The following TRPC5 variants were observed in gnomAD, a reference collection of about 807,000 sequenced individuals.
TRPC5 encodes transient receptor potential cation channel subfamily C member 5.
Under a neutral mutation model 56.5 loss-of-function variants are expected in TRPC5, and 9 were observed. That is an observed-to-expected ratio of 0.16 (90% CI 0.10 to 0.28). The LOEUF is 0.28. Ranked by LOEUF, TRPC5 falls within the 10% of genes least tolerant of loss-of-function variation. The pLI, the probability that TRPC5 is intolerant of heterozygous loss-of-function variation, is 1.00. For synonymous variants in TRPC5, 282 were observed against 278.5 expected (o/e 1.01, Z -0.13); for missense variants, 469 against 748.9 (o/e 0.63, Z 4.36).
intron 3 of TRPC5, among the ~76,000 whole-genome samples, chrX:111,863,678 C>T (rs1392147399): frequency 9.0e-6 from 1 of 111,663 alleles, no homozygotes; most frequent in East Asian, 2.8e-4. Flanking sequence ...AGTGGACATC[C>T]CTGTCTTTTT....
rs146373898 is a variant in TRPC5, at chrX:111,955,440, C to T, written c.-21-2999G>A. 3.4e-3 allele frequency among the ~76,000 whole-genome samples: 378 copies of T among 111,917 alleles called. 2 individuals carry two copies. Among genetic ancestry groups the T allele is most frequent in the Middle Eastern group, 0.014 (3 of 218 alleles). On this transcript the variant is annotated intron_variant, in intron 1 of 10. Coordinates refer to ENST00000262839, the MANE Select transcript of TRPC5 (RefSeq NM_012471.3). Reference sequence around the variant, plus strand: ...AAAGCAATGTCTGGCTAAAAGAATGCGGGTGAAGTGATGGAGGGTAAAGGA... The same window carrying T: ...AAAGCAATGTCTGGCTAAAAGAATGTGGGTGAAGTGATGGAGGGTAAAGGA...
chrX:111,874,429 G>A (rs182698930), intron 3 of TRPC5, among the ~76,000 whole-genome samples: 21 of 112,144 alleles, frequency 1.9e-4, no homozygotes, highest in Admixed American at 9.4e-4. Flanking sequence ...TATCAAGACC[G>A]TAGGGGCCCT....
At chrX:111,881,624 A>T (rs190049674) in intron 3 of TRPC5, among the ~76,000 whole-genome samples, 7 of 111,410 alleles carry the variant, frequency 6.3e-5, no homozygotes, top group African/African-American at 2.3e-4. Context: ...TGGGGGTGTC[A>T]ATTCAGGGTT....
chrX:111,880,471 G>A (rs1163549091), intron 3 of TRPC5, among the ~76,000 whole-genome samples: 1 of 112,410 alleles, frequency 8.9e-6, no homozygotes, highest in East Asian at 2.8e-4. Context: ...CCCTGTCTGG[G>A]CACTGTCCTG....
rs1311214635 is a variant in TRPC5 at position 111,803,658 on chromosome X, G to A, written c.1897-21520C>T. Among the ~76,000 whole-genome samples, 9 of 112,336 alleles carry A rather than the reference G, an allele frequency of 8.0e-5. No individual in the cohort carries two copies. In the Admixed American group the frequency reaches 8.5e-4, roughly 11 times the overall value. The stretch of plus-strand genomic sequence containing the variant: ...CTGCATAGATGTCTTCTTTTGAGAA[G>A]TATCTGTTCATATCCTTTGCGAACT... On this transcript the variant is annotated intron_variant, in intron 7 of 10. Coordinates refer to ENST00000262839, the MANE Select transcript of TRPC5 (RefSeq NM_012471.3).
At chrX:111,937,304 C>G (rs1159531865) in intron 2 of TRPC5, among the ~76,000 whole-genome samples, 3 of 102,862 alleles carry the variant, frequency 2.9e-5, no homozygotes, top group Non-Finnish European at 4.0e-5. Context: ...TGCCTGTTCA[C>G]TCTGATGGTA....
At chrX:111,943,686 G>C (rs1398179234) in intron 2 of TRPC5, among the ~76,000 whole-genome samples, 1 of 112,307 alleles carries the variant, frequency 8.9e-6, no homozygotes, top group East Asian at 2.8e-4. Context: ...TGTTGATATA[G>C]AGGCCAGCAG....
At chrX:111,912,875 G>T in intron 2 of TRPC5, 63 bp from the exon 3 acceptor site, 1 of 1,090,271 alleles carries the variant, frequency 9.2e-7, no homozygotes, top group South Asian at 2.1e-5. Flanking sequence ...GAAGCATAGG[G>T]CCTATAAAAT....
At chrX:112,008,882 T>C (rs1207768315) in intron 1 of TRPC5, among the ~76,000 whole-genome samples, 1 of 111,775 alleles carries the variant, frequency 8.9e-6, no homozygotes, top group Non-Finnish European at 1.9e-5. Context: ...TTAGAGTGTG[T>C]GGGCTGTGCA....
rs1050959481 is a variant in TRPC5, at chrX:111,835,045, T to C, written c.1772A>G (p.Lys591Arg). 15 of 1,210,142 alleles carry C rather than the reference T, an allele frequency of 1.2e-5. No individual in the cohort carries two copies. Among genetic ancestry groups the C allele is most frequent in the Non-Finnish European group, 1.7e-5 (15 of 895,113 alleles). ...AAACTCGGTGAATTCGTGTCTGGCT[T>C]TCACATTGGTGACATATAGATTTAA... ...GLLNLYVTNV[K>R]ARHEFTEFVG... The change falls in exon 7 of 11, where the codon AAA becomes AGA. Residue 591 changes from lysine (K) to arginine (R), a missense_variant. Around this residue, in one of 3 missense-constraint regions of TRPC5, gnomAD observed 157 missense variants for 360.0 expected, o/e 0.44. Transcript: ENST00000262839.
At chrX:111,892,849 T>C (rs1304508633) in intron 3 of TRPC5, among the ~76,000 whole-genome samples, 2 of 111,891 alleles carry the variant, frequency 1.8e-5, no homozygotes, top group Non-Finnish European at 3.8e-5. Context: ...CTAGTCATGA[T>C]GTACCACATA....
At chrX:112,072,857 A>T (rs1930748571) in intron 1 of TRPC5, among the ~76,000 whole-genome samples, 1 of 111,221 alleles carries the variant, frequency 9.0e-6, no homozygotes, top group Non-Finnish European at 1.9e-5. Flanking sequence ...TTCACCTTTG[A>T]TCATATAATT....
At chrX:111,935,913 T>A (rs1926558764) in intron 2 of TRPC5, among the ~76,000 whole-genome samples, 2 of 111,955 alleles carry the variant, frequency 1.8e-5, no homozygotes, top group Non-Finnish European at 3.8e-5. Flanking sequence ...ATTCCTCCAG[T>A]TTTGCTCCTT....
At chrX:111,981,646 A>G (rs1411611395) in intron 1 of TRPC5, among the ~76,000 whole-genome samples, 2 of 111,867 alleles carry the variant, frequency 1.8e-5, no homozygotes, top group Non-Finnish European at 3.8e-5. Context: ...ACATGATGCA[A>G]CTGTCCTGTG....
At chrX:111,862,692 C>G (rs1392967444) in intron 3 of TRPC5, among the ~76,000 whole-genome samples, 2 of 112,169 alleles carry the variant, frequency 1.8e-5, no homozygotes, top group East Asian at 5.6e-4. Flanking sequence ...TTTGAAAACA[C>G]TACTATTTCC....
intron 7 of TRPC5, among the ~76,000 whole-genome samples, chrX:111,817,035 G>A (rs887939289): frequency 1.8e-5 from 2 of 111,798 alleles, no homozygotes; most frequent in African/African-American, 6.5e-5. Context: ...TGGCCTCGCA[G>A]GGCCCTCTGA....
In TRPC5 at chrX:112,027,316, G is replaced by T. The variant is rs148036226; in HGVS notation, c.-22+54563C>A. On this transcript the variant is annotated intron_variant, in intron 1 of 10. Transcript: ENST00000262839. ...TATGCGCATGTGTGTGCATGATTGG[G>T]AAGTTCTGTAAGTTTAGTTATGCTT... Among the ~76,000 whole-genome samples the T allele has an allele frequency of 1.6e-4, 18 of 111,745 alleles. No homozygotes were observed. The East Asian group carries it at 5.0e-3, about 31-fold the overall frequency.
chrX:111,828,379 C>T (rs1398352998), intron 7 of TRPC5, among the ~76,000 whole-genome samples: 1 of 111,685 alleles, frequency 9.0e-6, no homozygotes, highest in African/African-American at 3.3e-5. Flanking sequence ...GTTTTATAAG[C>T]ATCTGGTATT....
At chrX:111,905,914 C>CAAAAAAAAAAAA (rs1202912083) in intron 3 of TRPC5, among the ~76,000 whole-genome samples, 52 of 36,981 alleles carry the variant, frequency 1.4e-3, no homozygotes, top group African/African-American at 6.0e-3. Context: ...GTCTCTGTCT[C>CAAAAAAAAAAAA]AAAAAAAAAA....
Sources: allele counts gnomAD v4.1 joint callset (sites outside exome capture counted in the v4.1 genomes callset), GRCh38; gene constraint gnomAD v4.1.1; regional missense constraint gnomAD v4.1.1; transcripts MANE v1.5; gene names NCBI Gene and HGNC (gene_info 2026-07-23, HGNC 2026-07-21).